ZZZ3: variants seen among roughly 807,000 people sequenced by gnomAD.
ZZZ3 encodes ZZ-type zinc finger-containing protein 3.
Under a neutral mutation model 95.2 loss-of-function variants are expected in ZZZ3, and 22 were observed. The observed-to-expected ratio is 0.23, with a 90% confidence interval of 0.17 to 0.33. The LOEUF (loss-of-function observed/expected upper bound fraction) is 0.33. ZZZ3 is among the 10% of genes least tolerant of loss of function. The pLI is 1.00. For synonymous variants in ZZZ3, 335 were observed against 358.9 expected (o/e 0.93, Z 0.75); for missense variants, 885 against 1,066.5 (o/e 0.83, Z 2.37).
intron 1 of ZZZ3, among the ~76,000 whole-genome samples, chr1:77,652,686 A>G (rs1669918150): frequency 6.6e-6 from 1 of 152,254 alleles, no homozygotes; most frequent in Non-Finnish European, 1.5e-5. Flanking sequence ...TATAAAGTGG[A>G]AGCAACTTAA....
chr1:77,596,795 C>T (rs534217434), intron 5 of ZZZ3, among the ~76,000 whole-genome samples: 17 of 152,110 alleles, frequency 1.1e-4, no homozygotes, highest in African/African-American at 3.9e-4. Context: ...CCAGGATTGC[C>T]ACTTCTGGAG....
chr1:77,641,928 G>A (rs1328940241), intron 1 of ZZZ3, among the ~76,000 whole-genome samples: 1 of 151,980 alleles, frequency 6.6e-6, no homozygotes, highest in African/African-American at 2.4e-5. Flanking sequence ...GAGCTCCTCA[G>A]GTTCCTTTTC....
At chr1:77,594,442 T>C (rs1358589985) in intron 5 of ZZZ3, among the ~76,000 whole-genome samples, 1 of 152,108 alleles carries the variant, frequency 6.6e-6, no homozygotes, top group Non-Finnish European at 1.5e-5. Flanking sequence ...GCCATTTTTC[T>C]ACATCTTTAA....
chr1:77,660,241 A>G (rs919251628), intron 1 of ZZZ3, among the ~76,000 whole-genome samples: 1 of 152,184 alleles, frequency 6.6e-6, no homozygotes, highest in Non-Finnish European at 1.5e-5. Context: ...CACATAACAT[A>G]AAATTTGTCA....
At chr1:77,585,120 GTC>G (rs1662961003) in intron 5 of ZZZ3, 1 of 152,182 alleles carries the variant, frequency 6.6e-6, no homozygotes. Context: ...TGTGATTTTA[GTC>G]TCATGATTTC....
At chr1:77,605,053 A>T (rs1395815922) in intron 5 of ZZZ3, among the ~76,000 whole-genome samples, 2 of 152,194 alleles carry the variant, frequency 1.3e-5, no homozygotes, top group Non-Finnish European at 2.9e-5. Context: ...TACCCAAAAA[A>T]ACAGAACCTT....
At chr1:77,619,302 G>A (rs1666622504) in intron 5 of ZZZ3, among the ~76,000 whole-genome samples, 1 of 151,998 alleles carries the variant, frequency 6.6e-6, no homozygotes, top group Non-Finnish European at 1.5e-5. Context: ...ACTATATGTA[G>A]GCTATCATTT....
At position 77,607,472 on chromosome 1, in the gene ZZZ3, T is replaced by C. The variant is rs150362504; in HGVS notation, c.1506-22817A>G. Reference sequence around the variant, plus strand: ...ATCATTGAGAAAGAATTCAAAACTCTATCAGATAAATTTAACAAAGAGATT... The same window carrying C: ...ATCATTGAGAAAGAATTCAAAACTCCATCAGATAAATTTAACAAAGAGATT... On this transcript the variant is annotated intron_variant, in intron 5 of 14. Coordinates refer to ENST00000370801, the MANE Select transcript of ZZZ3 (RefSeq NM_015534.6). Among the ~76,000 whole-genome samples, 438 of 152,342 alleles carry C rather than the reference T, an allele frequency of 2.9e-3. 2 individuals are homozygous for C. The highest frequency in any genetic ancestry group is 9.7e-3 in the African/African-American group (402 of 41,584).
chr1:77,617,839 G>C (rs1197269292), intron 5 of ZZZ3, among the ~76,000 whole-genome samples: 3 of 151,844 alleles, frequency 2.0e-5, no homozygotes, highest in African/African-American at 4.8e-5. Context: ...CAGCTACTTG[G>C]GAGGCTGAGG....
intron 1 of ZZZ3, among the ~76,000 whole-genome samples, chr1:77,681,317 A>C (rs1368513947): frequency 6.6e-6 from 1 of 152,152 alleles, no homozygotes; most frequent in African/African-American, 2.4e-5. Flanking sequence ...GGAAAAAAAA[A>C]CACTTTTGTA....
At chr1:77,655,865 G>C (rs1670229156) in intron 1 of ZZZ3, among the ~76,000 whole-genome samples, 1 of 152,102 alleles carries the variant, frequency 6.6e-6, no homozygotes, top group Non-Finnish European at 1.5e-5. Flanking sequence ...ATCATTCTTA[G>C]GTCCAAACCA....
intron 5 of ZZZ3, among the ~76,000 whole-genome samples, chr1:77,611,213 C>A (rs1570498340): frequency 1.4e-5 from 2 of 143,480 alleles, no homozygotes; most frequent in East Asian, 4.0e-4. Flanking sequence ...GGAAAACAAT[C>A]CCATTTAAAA....
In ZZZ3 at chr1:77,625,789, A is replaced by G. The variant is rs553104057; in HGVS notation, c.1505+6061T>C. Among the ~76,000 whole-genome samples, 12 of 151,972 alleles carry G rather than the reference A, an allele frequency of 7.9e-5. No homozygotes were observed. In the South Asian group the frequency reaches 2.5e-3, roughly 32 times the overall value. On this transcript the variant is annotated intron_variant, in intron 5 of 14. Transcript: ENST00000370801. ...CGGATCACTTGAGGTCAGGAGTTCGAGACCAGCCTGGTCAACATGATGAAA... is the reference window on the plus strand; with the variant it reads ...CGGATCACTTGAGGTCAGGAGTTCGGGACCAGCCTGGTCAACATGATGAAA...
At chr1:77,649,738 C>T (rs979616748) in intron 1 of ZZZ3, among the ~76,000 whole-genome samples, 7 of 151,832 alleles carry the variant, frequency 4.6e-5, no homozygotes, top group South Asian at 2.1e-4. Flanking sequence ...CAAAATTAGC[C>T]GGGTATGGTG....
chr1:77,652,840 AG>A (rs1669930932), intron 1 of ZZZ3, among the ~76,000 whole-genome samples: 1 of 152,210 alleles, frequency 6.6e-6, no homozygotes, highest in Non-Finnish European at 1.5e-5. Flanking sequence ...TAACTGAAAG[AG>A]GTCAGTCACA....
rs1047719119 is a variant in ZZZ3 at position 77,566,151 on chromosome 1, C to A, written c.2497G>T (p.Gly833Cys). The change falls in exon 14 of 15, where the codon GGT (glycine) becomes TGT (cysteine). Residue 833 changes from glycine (G) to cysteine (C), a missense_variant. Transcript: ENST00000370801. ...CAATCCTGGCAATGCCACCGAACAC[C>A]CTGGATGGGTTCTATGCCACAGTTA... ...CDNCGIEPIQ[G>C]VRWHCQDCPP... is the part of the protein sequence containing the mutation. 4 of 1,612,804 alleles carry A rather than the reference C, an allele frequency of 2.5e-6. No homozygotes were observed. Among genetic ancestry groups the A allele is most frequent in the Non-Finnish European group, 1.7e-6 (2 of 1,179,386 alleles).
At chr1:77,659,462 G>A (rs1049182582) in intron 1 of ZZZ3, among the ~76,000 whole-genome samples, 10 of 151,878 alleles carry the variant, frequency 6.6e-5, no homozygotes, top group African/African-American at 1.9e-4. Context: ...TCAGGAGCTC[G>A]AGACCAGCCT....
intron 5 of ZZZ3, among the ~76,000 whole-genome samples, chr1:77,589,412 T>TTTTA (rs71244406): frequency 0.089 from 12,926 of 144,476 alleles, 678 homozygotes; most frequent in Non-Finnish European, 0.1. Flanking sequence ...TGGAGGTTGA[T>TTTTA]TTTATTTATT....
At chr1:77,587,279 T>TTTTTTTTTTTTTTTTTTTTTTTG in intron 5 of ZZZ3, among the ~76,000 whole-genome samples, 1 of 146,526 alleles carries the variant, frequency 6.8e-6, no homozygotes, top group Non-Finnish European at 1.5e-5. Flanking sequence ...TTTTTTTTTT[T>TTTTTTTTTTTTTTTTTTTTTTTG]TGAGACAGAG....
Sources: gnomAD v4.1 joint callset for allele counts (sites outside exome capture counted in the v4.1 genomes callset) on GRCh38, gnomAD v4.1.1 for gene constraint, MANE v1.5 for transcripts, NCBI Gene and HGNC (gene_info 2026-07-23, HGNC 2026-07-21) for gene names.